SH3RF1: variants seen among roughly 807,000 people sequenced by gnomAD.
The protein encoded by SH3RF1 is E3 ubiquitin-protein ligase SH3RF1.
In SH3RF1, 32 loss-of-function variants were observed where a neutral mutation model predicts 74.0. That is an observed-to-expected ratio of 0.43 (90% CI 0.33 to 0.58). The LOEUF is 0.58. Ranked by LOEUF, SH3RF1 falls within the 20% of genes least tolerant of loss-of-function variation. The probability of loss-of-function intolerance (pLI) is 0.05; values close to 1 mark genes in which losing one functional copy is unlikely to be tolerated. For synonymous variants in SH3RF1, 396 were observed against 439.6 expected, an observed-to-expected ratio of 0.90 and a Z score of 1.24; for missense variants, 954 against 1,130.9, an observed-to-expected ratio of 0.84 and a Z score of 2.24.
chr4:169,213,983 T>C (rs1225813418), intron 2 of SH3RF1, among the ~76,000 whole-genome samples: 1 of 152,206 alleles, frequency 6.6e-6, no homozygotes, highest in Non-Finnish European at 1.5e-5. Context: ...CAATATTGTG[T>C]AGGCTATTAT....
At chr4:169,167,319 A>C (rs1197585026) in intron 2 of SH3RF1, among the ~76,000 whole-genome samples, 1 of 152,208 alleles carries the variant, frequency 6.6e-6, no homozygotes, top group Admixed American at 6.5e-5. Context: ...TGACAACAGA[A>C]AATTTTCTAA....
At chr4:169,262,670 A>G (rs1216974843) in intron 2 of SH3RF1, among the ~76,000 whole-genome samples, 1 of 151,092 alleles carries the variant, frequency 6.6e-6, no homozygotes, top group African/African-American at 2.4e-5. Flanking sequence ...CTGTCTCAAA[A>G]AAATAAATAA....
chr4:169,190,532 T>C (rs547107414), intron 2 of SH3RF1, among the ~76,000 whole-genome samples: 6 of 151,328 alleles, frequency 4.0e-5, no homozygotes, highest in Admixed American at 6.6e-5. Flanking sequence ...AAGAATTAGA[T>C]ACCCTGAACA....
chr4:169,217,425 C>T (rs1730485764), intron 2 of SH3RF1: 1 of 152,100 alleles, frequency 6.6e-6, no homozygotes, highest in Non-Finnish European at 1.5e-5. Context: ...ATGTGTGTCA[C>T]CAGGTCAGAG....
At chr4:169,098,574 T>C (rs772711041) in intron 11 of SH3RF1, among the ~76,000 whole-genome samples, 4 of 152,278 alleles carry the variant, frequency 2.6e-5, no homozygotes, top group Middle Eastern at 6.8e-3. Context: ...GGGACCAAAT[T>C]ACTACCCAAG....
chr4:169,105,569 C>T (rs548198200), intron 11 of SH3RF1, among the ~76,000 whole-genome samples: 34 of 152,192 alleles, frequency 2.2e-4, no homozygotes, highest in Non-Finnish European at 4.1e-4. Flanking sequence ...AGACTGAGAA[C>T]TTAGCCATAC....
At chr4:169,200,892 A>G (rs1270453680) in intron 2 of SH3RF1, among the ~76,000 whole-genome samples, 1 of 152,178 alleles carries the variant, frequency 6.6e-6, no homozygotes, top group Non-Finnish European at 1.5e-5. Flanking sequence ...CAGAACAGCT[A>G]TGAGGTCCCT....
intron 7 of SH3RF1, 130 bp downstream of exon 7, chr4:169,121,970 C>T (rs1733441885): frequency 8.3e-7 from 1 of 1,203,176 alleles, no homozygotes; most frequent in Admixed American, 2.6e-5. Flanking sequence ...TAGAAGTTTG[C>T]AGGACACAGA....
intron 2 of SH3RF1, among the ~76,000 whole-genome samples, chr4:169,186,964 A>C (rs1734615415): frequency 6.6e-6 from 1 of 150,962 alleles, no homozygotes; most frequent in Non-Finnish European, 1.5e-5. Context: ...CAGTGAGCGA[A>C]GATGGCACCA....
At chr4:169,206,400 G>T (rs758524803) in intron 2 of SH3RF1, among the ~76,000 whole-genome samples, 6 of 152,172 alleles carry the variant, frequency 3.9e-5, no homozygotes, top group Non-Finnish European at 5.9e-5. Context: ...GGGGGAAGGG[G>T]GGTGGTTCAC....
intron 4 of SH3RF1, among the ~76,000 whole-genome samples, chr4:169,154,439 G>T (rs776144108): frequency 2.0e-5 from 3 of 152,252 alleles, no homozygotes; most frequent in Admixed American, 6.5e-5. Context: ...AAATGCCTCA[G>T]ATAAAAAGAC....
intron 2 of SH3RF1, among the ~76,000 whole-genome samples, chr4:169,181,306 A>G (rs1459429152): frequency 4.1e-5 from 5 of 122,424 alleles, no homozygotes; most frequent in African/African-American, 1.3e-4. Flanking sequence ...TCTGTTGCCC[A>G]GGCTGGAGTG....
rs1734927634 is a variant in SH3RF1 at position 169,202,513 on chromosome 4, G to C, written c.394-45834C>G. Reference sequence around the variant, plus strand: ...GATGTGGTTCCTTTTAAAGGACAATGTATAATGAATAAAAACCTTCAGCTT... The same window carrying C: ...GATGTGGTTCCTTTTAAAGGACAATCTATAATGAATAAAAACCTTCAGCTT... On this transcript the variant is annotated intron_variant, in intron 2 of 11. Transcript: ENST00000284637. Among the ~76,000 whole-genome samples, 3 of 152,202 alleles carry C rather than the reference G, an allele frequency of 2.0e-5. No individual in the cohort carries two copies. The South Asian group carries it at 6.2e-4, about 32-fold the overall frequency.
At position 169,116,547 on chromosome 4, in the gene SH3RF1, C is replaced by T. The variant is rs774905224; in HGVS notation, c.1861G>A (p.Val621Met). The T allele has an allele frequency of 6.2e-7, 1 of 1,611,198 alleles. No homozygotes were observed. Among genetic ancestry groups the T allele is most frequent in the South Asian group, 1.1e-5 (1 of 90,410 alleles). The change falls in exon 10 of 12, where the codon GTG becomes ATG. Residue 621 changes from valine to methionine, a missense_variant. Val to Met is a conservative substitution (Grantham distance 21, BLOSUM62 1). Around this residue, in one of 3 missense-constraint regions of SH3RF1, gnomAD observed 854 missense variants for 962.5 expected, o/e 0.89. Transcript: ENST00000284637. The stretch of plus-strand genomic sequence containing the variant: ...GCCAGCGAGTGATGGGACAGGCCCA[C>T]AGATGCAGGGCTGAGGCCGGCGGCA... ...QNAAGLSPAS[V>M]GLSHHSLASP...
In SH3RF1 at chr4:169,094,601, C is replaced by G. The variant is rs1732881292; in HGVS notation, c.*1918G>C. The G allele has an allele frequency of 6.6e-6, 1 of 152,158 alleles. No homozygotes were observed. The highest frequency in any genetic ancestry group is 1.9e-4 in the East Asian group (1 of 5,192). The allele number at this position is 152,158 out of a possible 1,614,324, so 9.4% of individuals were successfully genotyped here. ...CTTTTTAAAATTTTTATAAAATACA[C>G]TAATTTCCCAAAATAAAGAATATTA... is the stretch of plus-strand genomic sequence containing the variant. On this transcript the variant is annotated 3_prime_UTR_variant, in exon 12 of 12. Transcript: ENST00000284637.
chr4:169,159,641 C>A (rs1011021330), intron 2 of SH3RF1, among the ~76,000 whole-genome samples: 3 of 152,182 alleles, frequency 2.0e-5, no homozygotes, highest in African/African-American at 7.2e-5. Context: ...AATGACCCAG[C>A]AGGCAGTACA....
At chr4:169,214,636 T>C (rs1730434123) in intron 2 of SH3RF1, among the ~76,000 whole-genome samples, 1 of 152,192 alleles carries the variant, frequency 6.6e-6, no homozygotes, top group African/African-American at 2.4e-5. Context: ...AGATATTGCA[T>C]GTTTTGTTAG....
Position 169,156,792 on chromosome 4 carries a change from C to T in SH3RF1, c.394-113G>A, listed in dbSNP as rs543215717. Reference sequence around the variant, plus strand: ...GTCAAAGTCAAAACCACACTGTAACCCTTGAAGAAAATCTCACACAAAAAC... The same window carrying T: ...GTCAAAGTCAAAACCACACTGTAACTCTTGAAGAAAATCTCACACAAAAAC... On this transcript the variant is annotated intron_variant, in intron 2 of 11. Coordinates refer to ENST00000284637, the MANE Select transcript of SH3RF1 (RefSeq NM_020870.4). The T allele has an allele frequency of 1.0e-4, 97 of 955,360 alleles. 1 individual carries two copies. In the South Asian group the frequency reaches 1.5e-3, roughly 14 times the overall value. The allele number at this position is 955,360 out of a possible 1,614,324, so 59.2% of individuals were successfully genotyped here.
chr4:169,244,554 G>A (rs1730962874), intron 2 of SH3RF1, among the ~76,000 whole-genome samples: 1 of 152,110 alleles, frequency 6.6e-6, no homozygotes, highest in Admixed American at 6.6e-5. Flanking sequence ...TACAACGTAA[G>A]TTAATAATTT....
Sources: allele counts gnomAD v4.1 joint callset (sites outside exome capture counted in the v4.1 genomes callset), GRCh38; gene constraint gnomAD v4.1.1; regional missense constraint gnomAD v4.1.1; transcripts MANE v1.5; gene names NCBI Gene and HGNC (gene_info 2026-07-23, HGNC 2026-07-21).